PIK3C2G: variants seen among roughly 807,000 people sequenced by gnomAD.
PIK3C2G encodes the protein phosphatidylinositol-4-phosphate 3-kinase catalytic subunit type 2 gamma.
A neutral mutation model predicts 181.1 loss-of-function variants in PIK3C2G; 168 were observed. That is an observed-to-expected ratio of 0.93 (90% CI 0.82 to 1.05). The LOEUF is 1.05. Ranked by LOEUF, PIK3C2G falls within the 50% of genes least tolerant of loss-of-function variation. The pLI, the probability that PIK3C2G is intolerant of heterozygous loss-of-function variation, is 0.00. For missense variants in PIK3C2G, 1,869 were observed against 1,732.8 expected (o/e 1.08, Z -1.40); for synonymous variants, 573 against 592.2 (o/e 0.97, Z 0.47).
rs555673900 is a variant in PIK3C2G at position 18,294,727 on chromosome 12, A to G, written c.1034+712A>G. ...ATAAATATTTCTCTGCTGGTATTGCATAGTTATTCTAAACAGTAAAGTATT... is the reference window on the plus strand; with the variant it reads ...ATAAATATTTCTCTGCTGGTATTGCGTAGTTATTCTAAACAGTAAAGTATT... On this transcript the variant is annotated intron_variant, in intron 5 of 32. Transcript: ENST00000538779. Among the ~76,000 whole-genome samples, 286 of 152,170 alleles carry G rather than the reference A, an allele frequency of 1.9e-3. 2 individuals are homozygous for G. Among genetic ancestry groups the G allele is most frequent in the African/African-American group, 6.6e-3 (274 of 41,572 alleles).
chr12:18,282,085 G>A lies in PIK3C2G; in HGVS notation c.4G>A (p.Ala2Thr), dbSNP rs1443758551. M[A>T]YSWQTDPNPN... ...TCTCAGTTACATAAAATAAAAAATG[G>A]CATATTCTTGGCAAACGGATCCAAA... The change falls in exon 2 of 33, where the codon GCA (alanine) becomes ACA (threonine). Residue 2 changes from alanine to threonine, a missense_variant. By Grantham distance (58) the Ala-to-Thr change is moderately conservative. Transcript: ENST00000538779. The A allele has an allele frequency of 6.3e-7, 1 of 1,576,848 alleles. No individual in the cohort carries two copies. Among genetic ancestry groups the A allele is most frequent in the Non-Finnish European group, 8.6e-7 (1 of 1,156,840 alleles).
At chr12:18,436,029 C>G (rs1252968639) in intron 18 of PIK3C2G, among the ~76,000 whole-genome samples, 1 of 150,866 alleles carries the variant, frequency 6.6e-6, no homozygotes, top group Admixed American at 6.6e-5. Context: ...ATTATTTTAT[C>G]TCACATAACA....
At chr12:18,451,578 C>A (rs1565737710) in intron 18 of PIK3C2G, among the ~76,000 whole-genome samples, 1 of 152,128 alleles carries the variant, frequency 6.6e-6, no homozygotes, top group African/African-American at 2.4e-5. Context: ...CTTTCTCTTG[C>A]CTGATTGCCC....
chr12:18,248,927 C>T (rs901285757), intron 1 of PIK3C2G, among the ~76,000 whole-genome samples: 5 of 152,124 alleles, frequency 3.3e-5, no homozygotes, highest in African/African-American at 1.2e-4. Flanking sequence ...TCCATTTATG[C>T]ATATTTCTCT....
intron 30 of PIK3C2G, among the ~76,000 whole-genome samples, chr12:18,598,193 C>A (rs1947484939): frequency 6.6e-6 from 1 of 151,894 alleles, no homozygotes; most frequent in Non-Finnish European, 1.5e-5. Context: ...GTTGCCAAGT[C>A]AATCCTAAGC....
chr12:18,696,206 C>T, the PIK3C2G span: 1 of 1,601,666 alleles, frequency 6.2e-7, no homozygotes. Flanking sequence ...AGAGTCTGCT[C>T]TTGTTGCTTT....
the PIK3C2G span, chr12:18,685,620 A>G: frequency 1.9e-6 from 1 of 516,556 alleles, no homozygotes; most frequent in South Asian, 1.4e-5. Context: ...ATAGTAAACT[A>G]ATTGGCTCAT....
intron 30 of PIK3C2G, among the ~76,000 whole-genome samples, chr12:18,606,444 T>C (rs372947994): frequency 6.6e-6 from 1 of 152,128 alleles, no homozygotes; most frequent in African/African-American, 2.4e-5. Context: ...AACTATCTCA[T>C]AGTATCTCTG....
At chr12:18,287,731 G>A (rs1949510451) in intron 3 of PIK3C2G, among the ~76,000 whole-genome samples, 1 of 151,410 alleles carries the variant, frequency 6.6e-6, no homozygotes, top group Non-Finnish European at 1.5e-5. Context: ...GGGTGTGGTG[G>A]CGTGCACCTG....
intron 18 of PIK3C2G, among the ~76,000 whole-genome samples, chr12:18,438,108 C>G (rs949547248): frequency 2.6e-5 from 4 of 151,776 alleles, no homozygotes; most frequent in Non-Finnish European, 5.9e-5. Context: ...TTTTCCAACC[C>G]TTTTGTCTCA....
At chr12:18,559,779 TATATATATATATATATA>T (rs1945205646) in intron 26 of PIK3C2G, among the ~76,000 whole-genome samples, 2 of 35,864 alleles carry the variant, frequency 5.6e-5, no homozygotes, top group African/African-American at 1.4e-4. Context: ...TATGAAATTA[TATATATATATATATATA>T]TATATATATA....
chr12:18,538,313 G>T lies in PIK3C2G; in HGVS notation c.3480+1G>T, dbSNP rs907142477. The T allele has an allele frequency of 1.4e-5, 23 of 1,593,650 alleles. No homozygotes were observed. In the Admixed American group the frequency reaches 4.0e-4, roughly 28 times the overall value. On this transcript the variant is annotated splice_donor_variant, in intron 25 of 32. Transcript: ENST00000538779. LOFTEE classifies it high-confidence loss of function. ...ACTGCTCTTGAACCTGCTGGAAATG[G>T]TAAGTCCCTTGGGAAAAAAAAACAA...
intron 18 of PIK3C2G, among the ~76,000 whole-genome samples, chr12:18,430,323 C>T (rs1013218578): frequency 6.6e-6 from 1 of 152,124 alleles, no homozygotes; most frequent in African/African-American, 2.4e-5. Context: ...GAAAAACTGT[C>T]TGGTAGGAAA....
the PIK3C2G span, among the ~76,000 whole-genome samples, chr12:18,699,162 T>TG: frequency 6.6e-6 from 1 of 152,170 alleles, no homozygotes; most frequent in Non-Finnish European, 1.5e-5. Flanking sequence ...AGGTGTGCAG[T>TG]GGGGCATGCA....
chr12:18,571,972 G>T (rs949831800), intron 29 of PIK3C2G, among the ~76,000 whole-genome samples: 2 of 148,648 alleles, frequency 1.3e-5, no homozygotes, highest in Admixed American at 6.7e-5. Flanking sequence ...TTTCCATTTT[G>T]TCCTATGTAA....
rs562258935 is a variant in PIK3C2G, at chr12:18,406,108, C to T, written c.2315+6261C>T. Among the ~76,000 whole-genome samples the T allele has an allele frequency of 1.1e-4, 17 of 152,242 alleles. No homozygotes were observed. In the East Asian group the frequency reaches 3.3e-3, roughly 29 times the overall value. ...ATGACACTGACTTTTTCAGATTCCA[C>T]ATTTAAGTGAGATTATTAAAATATT... is the stretch of plus-strand genomic sequence containing the variant. On this transcript the variant is annotated intron_variant, in intron 16 of 32. Coordinates refer to ENST00000538779, the MANE Select transcript of PIK3C2G (RefSeq NM_001288772.2).
chr12:18,525,671 A>C (rs1260073767), intron 24 of PIK3C2G, among the ~76,000 whole-genome samples: 1 of 152,162 alleles, frequency 6.6e-6, no homozygotes, highest in Non-Finnish European at 1.5e-5. Context: ...AATCACCCAT[A>C]ATGGGAGTAT....
intron 3 of PIK3C2G, among the ~76,000 whole-genome samples, chr12:18,288,812 C>A (rs1949564469): frequency 6.6e-6 from 1 of 152,152 alleles, no homozygotes; most frequent in Admixed American, 6.6e-5. Flanking sequence ...TTTTAAAACA[C>A]AATTTCTTAT....
At chr12:18,561,676 TAAA>T (rs1314971802) in intron 26 of PIK3C2G, among the ~76,000 whole-genome samples, 2 of 150,160 alleles carry the variant, frequency 1.3e-5, no homozygotes, top group Admixed American at 1.3e-4. Flanking sequence ...GAATTAAAAA[TAAA>T]AAAAGAAGAG....
Sources: gnomAD v4.1 joint callset for allele counts (sites outside exome capture counted in the v4.1 genomes callset) on GRCh38, gnomAD v4.1.1 for gene constraint, MANE v1.5 for transcripts, NCBI Gene and HGNC (gene_info 2026-07-23, HGNC 2026-07-21) for gene names.